RIMS3: variants seen among roughly 807,000 people sequenced by gnomAD.
RIMS3 encodes regulating synaptic membrane exocytosis protein 3.
A neutral mutation model predicts 29.2 loss-of-function variants in RIMS3; 15 were observed. That is an observed-to-expected ratio of 0.51 (90% CI 0.34 to 0.79). The LOEUF is 0.79. RIMS3 is among the 30% of genes least tolerant of loss of function. The pLI is 0.01. For synonymous variants in RIMS3, 161 were observed against 170.1 expected, an observed-to-expected ratio of 0.95 and a Z score of 0.41; for missense variants, 342 against 421.4, an observed-to-expected ratio of 0.81 and a Z score of 1.65.
At chr1:40,679,890 A>AT in the RIMS3 span, among the ~76,000 whole-genome samples, 2,962 of 142,348 alleles carry the variant, frequency 0.021, 50 homozygotes, top group African/African-American at 0.052. Flanking sequence ...GATGACTAGA[A>AT]TTTTTTTTTT....
At chr1:40,656,387 G>A (rs971591522) in intron 1 of RIMS3, among the ~76,000 whole-genome samples, 7 of 152,300 alleles carry the variant, frequency 4.6e-5, no homozygotes, top group Admixed American at 1.3e-4. Context: ...AAACAGTTAT[G>A]ATATTATGTT....
upstream of RIMS3, among the ~76,000 whole-genome samples, chr1:40,666,657 G>C (rs552624109): frequency 7.9e-5 from 12 of 152,278 alleles, no homozygotes; most frequent in African/African-American, 2.9e-4. Flanking sequence ...TCCACCCACT[G>C]ACAGAGAGGA....
Position 40,626,218 on chromosome 1 carries a change from T to C in RIMS3, c.*299A>G, listed in dbSNP as rs563503424. The stretch of plus-strand genomic sequence containing the variant: ...TGAGTCATGTCCACACAACACTCCT[T>C]TGGGTTTCTTTTCAACAAGACACAA... On this transcript the variant is annotated 3_prime_UTR_variant, in exon 8 of 8. Coordinates refer to ENST00000372684, the MANE Select transcript of RIMS3 (RefSeq NM_014747.3). 11 of 446,476 alleles carry C rather than the reference T, an allele frequency of 2.5e-5. No individual in the cohort carries two copies. The highest frequency in any genetic ancestry group is 2.3e-4 in the East Asian group (5 of 22,062). 27.7% of individuals were successfully genotyped at this position (446,476 alleles called of 1,614,324 possible).
At chr1:40,632,421 TATATATATATATATATATATA>T (rs1646494937) in intron 5 of RIMS3, among the ~76,000 whole-genome samples, 1 of 6,316 alleles carries the variant, frequency 1.6e-4, no homozygotes, top group African/African-American at 1.0e-3. Context: ...TATAAATTTA[TATATATATATATATATATATA>T]TATATATATA....
chr1:40,640,264 C>T (rs1646547508), intron 3 of RIMS3, among the ~76,000 whole-genome samples: 1 of 152,128 alleles, frequency 6.6e-6, no homozygotes, highest in South Asian at 2.1e-4. Context: ...TCCCCATCTC[C>T]CTGACTCTCT....
At chr1:40,626,801 C>A in intron 7 of RIMS3, 72 bp from the exon 8 acceptor site, 1 of 1,412,278 alleles carries the variant, frequency 7.1e-7, no homozygotes, top group South Asian at 1.2e-5. Context: ...GCCTAGGAAC[C>A]TACACGTTTC....
At chr1:40,653,922 A>G (rs1347893930) in intron 1 of RIMS3, among the ~76,000 whole-genome samples, 3 of 151,016 alleles carry the variant, frequency 2.0e-5, no homozygotes, top group Non-Finnish European at 4.5e-5. Context: ...GGATCCCAAT[A>G]AGATACACAT....
intron 5 of RIMS3, among the ~76,000 whole-genome samples, chr1:40,631,326 C>T (rs1646488010): frequency 6.6e-6 from 1 of 152,154 alleles, no homozygotes; most frequent in Admixed American, 6.5e-5. Context: ...GTAGTACCGT[C>T]ATCCCTCAGT....
Position 40,626,332 on chromosome 1 carries a change from ACACACACACGCACGCACACACG to A in RIMS3, c.*163_*184del. The A allele has an allele frequency of 6.1e-6, 4 of 651,368 alleles. No individual in the cohort carries two copies. The South Asian group carries it at 7.0e-5, about 11-fold the overall frequency. The allele number at this position is 651,368 out of a possible 1,614,324, so 40.3% of individuals were successfully genotyped here. A position where few individuals can be genotyped will look rare whatever the true frequency, so the allele number is the denominator to read the frequency against. The stretch of plus-strand genomic sequence containing the variant: ...AGATAGAACGTGGTCACGTACACAC[ACACACACACGCACGCACACACG>A]CACACACTACAGTCTCCACTGCCAG... On this transcript the variant is annotated 3_prime_UTR_variant, in exon 8 of 8. Transcript: ENST00000372684.
At chr1:40,683,107 G>A in the RIMS3 span, among the ~76,000 whole-genome samples, 3 of 152,058 alleles carry the variant, frequency 2.0e-5, no homozygotes, top group African/African-American at 7.2e-5. Context: ...CTCTAGCTCA[G>A]AGAGGTTAAG....
At position 40,629,232 on chromosome 1, in the gene RIMS3, GC is replaced by G. The variant is rs1557664886; in HGVS notation, c.574+38del. On this transcript the variant is annotated intron_variant, in intron 6 of 7. Transcript: ENST00000372684. ...TGCTAGACCCAGAGCTCGGCTCTATGCCCCTCCCTGTCAGGACCCCATTTCC... is the reference window on the plus strand; with the variant it reads ...TGCTAGACCCAGAGCTCGGCTCTATGCCCTCCCTGTCAGGACCCCATTTCC... 4 of 1,535,784 alleles carry G rather than the reference GC, an allele frequency of 2.6e-6. No individual in the cohort carries two copies. In the South Asian group the frequency reaches 4.5e-5, roughly 17 times the overall value.
rs1570176549 is a variant in RIMS3, at chr1:40,636,035, G to A, written c.240C>T (p.Arg80=). 1 of 1,605,338 alleles carries A rather than the reference G, an allele frequency of 6.2e-7. No individual in the cohort carries two copies. Among genetic ancestry groups the A allele is most frequent in the Non-Finnish European group, 8.5e-7 (1 of 1,179,966 alleles). ...TCTCCGTGCTCCGGCGGATGTTGCT[G>A]CGCAGCTTCTTGGTGGCCCCTTCTG... ...PQPEGATKKL[R]SNIRRSTETG... The change falls in exon 4 of 8, where the codon CGC becomes CGT. Residue 80 remains arginine (R), a synonymous_variant. Coordinates refer to ENST00000372684, the MANE Select transcript of RIMS3 (RefSeq NM_014747.3). The surrounding 1 kb of genome is among the most constrained non-coding windows in gnomAD (Gnocchi z 4.2).
At chr1:40,677,972 GT>G in the RIMS3 span, among the ~76,000 whole-genome samples, 1 of 152,196 alleles carries the variant, frequency 6.6e-6, no homozygotes, top group African/African-American at 2.4e-5. Context: ...TGGATGTAAT[GT>G]TTTCAATACT....
At position 40,641,945 on chromosome 1, in the gene RIMS3, C is replaced by T. The variant is rs775912964; in HGVS notation, c.-20G>A. On this transcript the variant is annotated 5_prime_UTR_variant, in exon 3 of 8. Transcript: ENST00000372684. Reference sequence around the variant, plus strand: ...AAACATGGTCCCCGGGGTGGCAGGGCCTCAGGCAGCTCTGAAGATGGGCAG... The same window carrying T: ...AAACATGGTCCCCGGGGTGGCAGGGTCTCAGGCAGCTCTGAAGATGGGCAG... The T allele has an allele frequency of 3.0e-5, 48 of 1,601,968 alleles. No homozygotes were observed. Among genetic ancestry groups the T allele is most frequent in the Non-Finnish European group, 3.8e-5 (45 of 1,170,660 alleles).
intron 1 of RIMS3, among the ~76,000 whole-genome samples, chr1:40,652,730 T>G (rs764428750): frequency 3.9e-5 from 6 of 152,228 alleles, no homozygotes; most frequent in Non-Finnish European, 8.8e-5. Context: ...AGCTTGGCTT[T>G]CATCCTGTAG....
chr1:40,643,622 G>A (rs937031464), intron 2 of RIMS3, among the ~76,000 whole-genome samples: 1 of 151,818 alleles, frequency 6.6e-6, no homozygotes, highest in Non-Finnish European at 1.5e-5. Flanking sequence ...GATTACAGGC[G>A]TGCGCCACCA....
rs1642253531 is a variant in RIMS3, at chr1:40,654,923, A to C, written c.-206-7081T>G. The stretch of plus-strand genomic sequence containing the variant: ...CCATGGACACACAAGCACACACCCC[A>C]CACTCTACCCAGGCCCTCCATCCTC... On this transcript the variant is annotated intron_variant, in intron 1 of 7. Coordinates refer to ENST00000372684, the MANE Select transcript of RIMS3 (RefSeq NM_014747.3). The surrounding 1 kb of genome is among the most constrained non-coding windows in gnomAD (Gnocchi z 5.3). Among the ~76,000 whole-genome samples the C allele has an allele frequency of 6.6e-6, 1 of 152,010 alleles. No homozygotes were observed. Among genetic ancestry groups the C allele is most frequent in the South Asian group, 2.1e-4 (1 of 4,824 alleles).
intron 2 of RIMS3, among the ~76,000 whole-genome samples, chr1:40,643,694 G>A (rs1454212592): frequency 6.6e-6 from 1 of 152,090 alleles, no homozygotes; most frequent in Admixed American, 6.5e-5. Context: ...GACCAGGCTG[G>A]TCTCAAACTC....
At chr1:40,665,728 G>A (rs1642416251), upstream of RIMS3, 2 of 152,946 alleles carry the variant, frequency 1.3e-5, 1 homozygote, top group South Asian at 3.7e-4. Flanking sequence ...GGGCCTGCCG[G>A]GGGCGGGGCC....
Sources: gnomAD v4.1 joint callset for allele counts (sites outside exome capture counted in the v4.1 genomes callset) on GRCh38, gnomAD v4.1.1 for gene constraint, Gnocchi (gnomAD v3.1) non-coding constraint, MANE v1.5 for transcripts, NCBI Gene and HGNC (gene_info 2026-07-23, HGNC 2026-07-21) for gene names.